NUAK1: variants seen among roughly 807,000 people sequenced by gnomAD.
The protein encoded by NUAK1 is NUAK family SNF1-like kinase 1.
Under a neutral mutation model 56.9 loss-of-function variants are expected in NUAK1, and 26 were observed. The ratio of observed to expected loss-of-function variants is 0.46; its 90% CI spans 0.33 to 0.63. The LOEUF (loss-of-function observed/expected upper bound fraction) is 0.63. Ranked by LOEUF, NUAK1 falls within the 30% of genes least tolerant of loss-of-function variation. NUAK1 has a pLI of 0.02. For missense variants in NUAK1, 727 were observed against 876.1 expected, an observed-to-expected ratio of 0.83 and a Z score of 2.15; for synonymous variants, 337 against 336.0, an observed-to-expected ratio of 1.00 and a Z score of -0.03.
chr12:106,084,346 G>A (rs1205002178), intron 3 of NUAK1, among the ~76,000 whole-genome samples: 1 of 152,210 alleles, frequency 6.6e-6, no homozygotes, highest in East Asian at 1.9e-4. Context: ...GGGCTCACAG[G>A]CACTCCTCAT....
At chr12:106,121,380 A>C (rs1397772175) in intron 1 of NUAK1, among the ~76,000 whole-genome samples, 1 of 152,084 alleles carries the variant, frequency 6.6e-6, no homozygotes, top group Non-Finnish European at 1.5e-5. Flanking sequence ...TTCTCTTTTC[A>C]AGGTTCTCCC....
At chr12:106,093,604 T>G (rs2032659139) in intron 2 of NUAK1, among the ~76,000 whole-genome samples, 1 of 152,118 alleles carries the variant, frequency 6.6e-6, no homozygotes. Flanking sequence ...CGCTGATGAG[T>G]GAGGAGATCC....
At chr12:106,126,357 C>T (rs1342409093) in intron 1 of NUAK1, among the ~76,000 whole-genome samples, 1 of 152,114 alleles carries the variant, frequency 6.6e-6, no homozygotes, top group Non-Finnish European at 1.5e-5. Context: ...GAACACCTGC[C>T]ACAAGAAAAA....
chr12:106,079,017 G>T (rs1272919283), intron 4 of NUAK1, among the ~76,000 whole-genome samples: 2 of 152,180 alleles, frequency 1.3e-5, no homozygotes, highest in Non-Finnish European at 2.9e-5. Context: ...GGCAAATTTG[G>T]ATAGTAAGAG....
chr12:106,100,368 G>A (rs2032735019), intron 2 of NUAK1, among the ~76,000 whole-genome samples: 1 of 151,946 alleles, frequency 6.6e-6, no homozygotes, highest in East Asian at 2.0e-4. Flanking sequence ...ACCCATATAA[G>A]TGCCTTCTCT....
At chr12:106,110,543 G>A in intron 1 of NUAK1, among the ~76,000 whole-genome samples, 1 of 152,130 alleles carries the variant, frequency 6.6e-6, no homozygotes. Flanking sequence ...GAAACACAGA[G>A]GTAAGGAAGG....
rs749735826 is a variant in NUAK1 at position 106,138,573 on chromosome 12, C to T, written c.81G>A (p.Val27=). ...GCTCCAGGGCTGCAGTCGCCCCCGC[C>T]ACCGCCTCTCGGGGAGAGCCCGGCG... The part of the protein sequence containing the change: ...LGAPGSPREA[V]AGATAALEPR... Residue 27 remains valine, a synonymous_variant, in exon 1 of 7, where the codon GTG becomes GTA. Transcript: ENST00000261402. This position sits in a 1 kb window ranked among gnomAD's most constrained non-coding sequence, Gnocchi z 5.0. 4.4e-6 allele frequency: 7 copies of T among 1,602,932 alleles called. No homozygotes were observed. The highest frequency in any genetic ancestry group is 1.1e-5 in the South Asian group (1 of 90,280).
intron 1 of NUAK1, among the ~76,000 whole-genome samples, chr12:106,108,790 A>G (rs548458115): frequency 1.3e-3 from 202 of 152,298 alleles, no homozygotes; most frequent in Non-Finnish European, 2.4e-3. Context: ...AGAGGAGGGT[A>G]GCAACATTCT....
intron 1 of NUAK1, among the ~76,000 whole-genome samples, chr12:106,129,993 T>C (rs78948769): frequency 0.053 from 7,982 of 151,840 alleles, 368 homozygotes; most frequent in African/African-American, 0.13. Context: ...TTTTTCTCTC[T>C]CTCTGTGAGA....
At chr12:106,098,358 A>C (rs2136467974) in intron 2 of NUAK1, among the ~76,000 whole-genome samples, 1 of 152,286 alleles carries the variant, frequency 6.6e-6, no homozygotes, top group Non-Finnish European at 1.5e-5. Context: ...CTTAAGGCTC[A>C]CAGGGTGGGG....
At position 106,138,048 on chromosome 12, in the gene NUAK1, A is replaced by G. The variant is rs1202581605; in HGVS notation, c.240+366T>C. Among the ~76,000 whole-genome samples, 1 of 152,182 alleles carries G rather than the reference A, an allele frequency of 6.6e-6. No individual in the cohort carries two copies. Among genetic ancestry groups the G allele is most frequent in the Non-Finnish European group, 1.5e-5 (1 of 68,028 alleles). Reference sequence around the variant, plus strand: ...AATGTGGTTCTTTGGAGAGTTGTGGAAATAAGACGTTTCGGGGCATGGTCT... The same window carrying G: ...AATGTGGTTCTTTGGAGAGTTGTGGGAATAAGACGTTTCGGGGCATGGTCT... On this transcript the variant is annotated intron_variant, in intron 1 of 6. Coordinates refer to ENST00000261402, the MANE Select transcript of NUAK1 (RefSeq NM_014840.3). The surrounding 1 kb of genome is among the most constrained non-coding windows in gnomAD (Gnocchi z 5.0).
At chr12:106,081,009 A>C (rs2032512628) in intron 4 of NUAK1, among the ~76,000 whole-genome samples, 1 of 152,250 alleles carries the variant, frequency 6.6e-6, no homozygotes, top group Non-Finnish European at 1.5e-5. Flanking sequence ...CCACCAGAAG[A>C]CAAATCAAGA....
At chr12:106,090,655 C>T (rs1237787095) in intron 2 of NUAK1, among the ~76,000 whole-genome samples, 2 of 152,172 alleles carry the variant, frequency 1.3e-5, no homozygotes, top group South Asian at 2.1e-4. Context: ...ATATATCAAC[C>T]CCTCTGACCC....
chr12:106,078,263 T>C (rs1318916981), intron 4 of NUAK1, among the ~76,000 whole-genome samples: 4 of 152,220 alleles, frequency 2.6e-5, no homozygotes, highest in African/African-American at 4.8e-5. Flanking sequence ...AGCATTGCTA[T>C]ATGCCAGGCA....
At chr12:106,097,854 A>G (rs1459733975) in intron 2 of NUAK1, among the ~76,000 whole-genome samples, 1 of 152,076 alleles carries the variant, frequency 6.6e-6, no homozygotes, top group Non-Finnish European at 1.5e-5. Flanking sequence ...CCCTTTGAGA[A>G]CTGCTGCTCA....
intron 1 of NUAK1, among the ~76,000 whole-genome samples, chr12:106,131,168 C>A (rs968696690): frequency 1.3e-5 from 2 of 152,176 alleles, no homozygotes; most frequent in East Asian, 3.9e-4. Flanking sequence ...TGAGCCCCCC[C>A]CTTTTTAAGT....
chr12:106,123,644 T>C (rs946248623), intron 1 of NUAK1, among the ~76,000 whole-genome samples: 1 of 152,100 alleles, frequency 6.6e-6, no homozygotes, highest in East Asian at 1.9e-4. Flanking sequence ...GCTCTGGGAA[T>C]TGAAAGAACA....
chr12:106,102,297 A>T (rs1305171562), intron 2 of NUAK1, among the ~76,000 whole-genome samples: 1 of 152,158 alleles, frequency 6.6e-6, no homozygotes, highest in Non-Finnish European at 1.5e-5. Context: ...CTCAGAAAAA[A>T]GTAACTCATG....
chr12:106,130,693 G>A (rs374682518), intron 1 of NUAK1, among the ~76,000 whole-genome samples: 10 of 152,232 alleles, frequency 6.6e-5, no homozygotes, highest in Non-Finnish European at 1.5e-4. Context: ...TCACAGAGCC[G>A]CTAGTAGGAG....
Sources: allele counts gnomAD v4.1 joint callset (sites outside exome capture counted in the v4.1 genomes callset), GRCh38; gene constraint gnomAD v4.1.1; non-coding constraint Gnocchi (gnomAD v3.1); transcripts MANE v1.5; gene names NCBI Gene and HGNC (gene_info 2026-07-23, HGNC 2026-07-21).